UTP20: variants seen among roughly 807,000 people sequenced by gnomAD.
The protein encoded by UTP20 is UTP20 small subunit processome component.
In UTP20, 164 loss-of-function variants were observed where a neutral mutation model predicts 329.5. That is an observed-to-expected ratio of 0.50 (90% confidence interval 0.44 to 0.57). The LOEUF is 0.57. Ranked by LOEUF, UTP20 falls within the 20% of genes least tolerant of loss-of-function variation. UTP20 has a pLI of 0.00. For synonymous variants in UTP20, 1,151 were observed against 1,159.3 expected, an observed-to-expected ratio of 0.99 and a Z score of 0.14; for missense variants, 3,055 against 3,284.2, an observed-to-expected ratio of 0.93 and a Z score of 1.71.
intron 32 of UTP20, 47 bp from the exon 33 acceptor site, chr12:101,342,399 G>A (rs1277231663): frequency 1.3e-6 from 2 of 1,522,974 alleles, no homozygotes; most frequent in Admixed American, 4.1e-5. Flanking sequence ...AAGTTGACCA[G>A]TTTATAACTT....
At chr12:101,307,983 C>G (rs1239775916) in intron 17 of UTP20, among the ~76,000 whole-genome samples, 1 of 151,846 alleles carries the variant, frequency 6.6e-6, no homozygotes, top group Non-Finnish European at 1.5e-5. Flanking sequence ...CATTTATGCA[C>G]TAGACACTAA....
rs1489200727 is a variant in UTP20, at chr12:101,385,498, ATGT to A, written c.8057-81_8057-79del. On this transcript the variant is annotated intron_variant, in intron 60 of 61. Coordinates refer to ENST00000261637, the MANE Select transcript of UTP20 (RefSeq NM_014503.3). ...TTGCCAGATCAGTAGCTGGATATAAATGTTGTACATATTGTTGATTTTGTTGAT... is the reference window on the plus strand; with the variant it reads ...TTGCCAGATCAGTAGCTGGATATAAATGTACATATTGTTGATTTTGTTGAT... 4.8e-6 allele frequency: 7 copies of A among 1,467,966 alleles called. No homozygotes were observed. In the African/African-American group the frequency reaches 7.1e-5, roughly 15 times the overall value. The allele number at this position is 1,467,966 out of a possible 1,614,324, so 90.9% of individuals were successfully genotyped here.
At chr12:101,382,847 G>A (rs1298223410) in intron 58 of UTP20, among the ~76,000 whole-genome samples, 194 bp from the exon 59 acceptor site, 4 of 136,306 alleles carry the variant, frequency 2.9e-5, no homozygotes, top group African/African-American at 1.1e-4. Context: ...GTGAGGCTCT[G>A]TCTTTAAAAA....
intron 22 of UTP20, among the ~76,000 whole-genome samples, chr12:101,318,563 G>A (rs1873048741): frequency 6.6e-6 from 1 of 152,146 alleles, no homozygotes. Context: ...AGGCGTGGTG[G>A]CTCACACCTG....
chr12:101,282,794 G>T (rs1490502170), intron 2 of UTP20, among the ~76,000 whole-genome samples: 1 of 152,184 alleles, frequency 6.6e-6, no homozygotes, highest in African/African-American at 2.4e-5. Context: ...CAGTTGTGAG[G>T]ATTTGACTGT....
At chr12:101,368,873 C>T (rs79993496) in intron 48 of UTP20, among the ~76,000 whole-genome samples, 5,095 of 151,604 alleles carry the variant, frequency 0.034, 321 homozygotes, top group African/African-American at 0.12. Context: ...CAAGGTCTTT[C>T]CGACTCCCAA....
chr12:101,347,759 T>G (rs1869376167), intron 38 of UTP20, among the ~76,000 whole-genome samples: 1 of 152,206 alleles, frequency 6.6e-6, no homozygotes, highest in African/African-American at 2.4e-5. Context: ...AACTGTTTGA[T>G]GCCATTGAAA....
chr12:101,329,586 T>A, intron 27 of UTP20, 137 bp downstream of exon 27: 1 of 763,452 alleles, frequency 1.3e-6, no homozygotes, highest in Non-Finnish European at 2.0e-6. Context: ...CCCAAAATTG[T>A]AAATGATTTA....
Position 101,305,986 on chromosome 12 carries a change from G to T in UTP20, c.1853G>T (p.Cys618Phe). 6.2e-7 allele frequency: 1 copy of T among 1,613,952 alleles called. No individual in the cohort carries two copies. The highest frequency in any genetic ancestry group is 8.5e-7 in the Non-Finnish European group (1 of 1,179,918). The change falls in exon 16 of 62, where the codon TGC (cysteine) becomes TTC (phenylalanine). Residue 618 changes from cysteine to phenylalanine, a missense_variant. Transcript: ENST00000261637. ...TATCAGAGATTAGCCTTGTGTGGCT[G>T]CAAAGGGCCACTTTCCCAGGAGGCT... ...LYYQRLALCGCKGPLSQEALM... is the reference protein window; with the variant it reads ...LYYQRLALCGFKGPLSQEALM...
rs547108159 is a variant in UTP20, at chr12:101,366,812, A to G, written c.6267+113A>G. 42 of 1,374,294 alleles carry G rather than the reference A, an allele frequency of 3.1e-5. No homozygotes were observed. The East Asian group carries it at 9.7e-4, about 32-fold the overall frequency. The allele number at this position is 1,374,294 out of a possible 1,614,324, so 85.1% of individuals were successfully genotyped here. A position where few individuals can be genotyped will look rare whatever the true frequency, so the allele number is the denominator to read the frequency against. ...CCATTGGAAATGCCTTACTGTAAAT[A>G]CATTTTAGATTTTTTTTTTTTACAG... On this transcript the variant is annotated intron_variant, in intron 47 of 61. Transcript: ENST00000261637.
intron 41 of UTP20, among the ~76,000 whole-genome samples, chr12:101,355,641 T>C (rs548386790): frequency 6.6e-6 from 1 of 152,344 alleles, no homozygotes; most frequent in Non-Finnish European, 1.5e-5. Context: ...ACGTAGTGTT[T>C]AGTACTGCCT....
Position 101,373,469 on chromosome 12 carries a change from A to G in UTP20, c.6947A>G (p.Gln2316Arg). The G allele has an allele frequency of 6.2e-7, 1 of 1,614,152 alleles. No homozygotes were observed. Among genetic ancestry groups the G allele is most frequent in the South Asian group, 1.1e-5 (1 of 91,086 alleles). ...MIAYLFDTFP[Q>R]GLLHENCGMF... ...GCCTATCTCTTTGACACGTTCCCTCAGGTACTGTGACCCCAGAGATAAGCC... is the reference window on the plus strand; with the variant it reads ...GCCTATCTCTTTGACACGTTCCCTCGGGTACTGTGACCCCAGAGATAAGCC... Residue 2316 changes from glutamine to arginine, a missense_variant and splice_region_variant, in exon 53 of 62, where the codon CAG becomes CGG. By Grantham distance (43) the Gln-to-Arg change is conservative (BLOSUM62 1). Transcript: ENST00000261637.
At chr12:101,331,974 T>C (rs1868774671) in intron 27 of UTP20, among the ~76,000 whole-genome samples, 1 of 152,064 alleles carries the variant, frequency 6.6e-6, no homozygotes. Flanking sequence ...CTCTTCATTC[T>C]TTAATACCCA....
intron 19 of UTP20, among the ~76,000 whole-genome samples, 183 bp downstream of exon 19, chr12:101,310,022 A>G (rs368869927): frequency 1.7e-4 from 26 of 152,326 alleles, no homozygotes; most frequent in African/African-American, 5.8e-4. Context: ...CTCTGATGCC[A>G]CATCTTCAGT....
chr12:101,365,788 T>C (rs1870078307), intron 46 of UTP20, among the ~76,000 whole-genome samples, 163 bp downstream of exon 46: 1 of 152,252 alleles, frequency 6.6e-6, no homozygotes, highest in Admixed American at 6.5e-5. Flanking sequence ...GATTTTCTCA[T>C]AAATGAGGTA....
Position 101,356,593 on chromosome 12 carries a change from G to A in UTP20, c.5434G>A (p.Val1812Ile). 1 of 1,613,832 alleles carries A rather than the reference G, an allele frequency of 6.2e-7. No individual in the cohort carries two copies. Among genetic ancestry groups the A allele is most frequent in the Non-Finnish European group, 8.5e-7 (1 of 1,179,880 alleles). The change falls in exon 42 of 62, where the codon GTT (valine) becomes ATT (isoleucine). Residue 1812 changes from valine to isoleucine, a missense_variant. By Grantham distance (29) the Val-to-Ile change is conservative. This residue lies in a region of UTP20 where 2,445 missense variants were observed against 2,575.5 expected (regional missense o/e 0.95). Coordinates refer to ENST00000261637, the MANE Select transcript of UTP20 (RefSeq NM_014503.3). ...EEEHKLVKSK[V>I]VNDEEVVRVP... The stretch of plus-strand genomic sequence containing the variant: ...AGAACACAAGCTTGTCAAGTCAAAG[G>A]TTGTGAATGATGAGGAAGTCGTTCG...
intron 15 of UTP20, among the ~76,000 whole-genome samples, chr12:101,305,610 AT>A (rs934581775): frequency 7.6e-6 from 1 of 131,612 alleles, no homozygotes; most frequent in African/African-American, 3.6e-5. Context: ...AATAATAAAT[AT>A]TATATATATA....
chr12:101,299,663 A>T lies in UTP20; in HGVS notation c.1431-19A>T. ...GATTACATTCTCTGTTATTTTAAACATTTTTTTTAATCCTTCAGATTCTAT... is the reference window on the plus strand; with the variant it reads ...GATTACATTCTCTGTTATTTTAAACTTTTTTTTTAATCCTTCAGATTCTAT... On this transcript the variant is annotated intron_variant, in intron 12 of 61. Coordinates refer to ENST00000261637, the MANE Select transcript of UTP20 (RefSeq NM_014503.3). The T allele has an allele frequency of 1.3e-6, 2 of 1,550,180 alleles. No homozygotes were observed. Among genetic ancestry groups the T allele is most frequent in the Non-Finnish European group, 1.7e-6 (2 of 1,153,108 alleles).
chr12:101,338,336 A>G (rs1869004421), intron 30 of UTP20, 59 bp downstream of exon 30: 11 of 1,556,558 alleles, frequency 7.1e-6, no homozygotes, highest in Non-Finnish European at 9.7e-6. Context: ...TTGTTTCCTT[A>G]GAAGAGAAAA....
Sources: allele counts gnomAD v4.1 joint callset (sites outside exome capture counted in the v4.1 genomes callset), GRCh38; gene constraint gnomAD v4.1.1; regional missense constraint gnomAD v4.1.1; transcripts MANE v1.5; gene names NCBI Gene and HGNC (gene_info 2026-07-23, HGNC 2026-07-21).